The following UNC45A variants were observed in gnomAD, a reference collection of about 807,000 sequenced individuals.
The protein encoded by UNC45A is protein unc-45 homolog A.
In UNC45A, 78 loss-of-function variants were observed where a neutral mutation model predicts 103.2. The ratio of observed to expected loss-of-function variants is 0.76; its 90% CI spans 0.63 to 0.91. The LOEUF is 0.91. Among genes scored for constraint, UNC45A ranks in the 40% least tolerant of loss-of-function variants. UNC45A has a pLI of 0.00. For missense variants in UNC45A, 1,193 were observed against 1,224.8 expected, an observed-to-expected ratio of 0.97 and a Z score of 0.39; for synonymous variants, 495 against 504.6, an observed-to-expected ratio of 0.98 and a Z score of 0.25.
intron 4 of UNC45A, among the ~76,000 whole-genome samples, chr15:90,938,168 G>A (rs1473251064): frequency 6.6e-6 from 1 of 152,142 alleles, no homozygotes; most frequent in Admixed American, 6.6e-5. Flanking sequence ...TGATAACACG[G>A]TGACCCCTGG....
Position 90,950,504 on chromosome 15 carries a change from A to T in UNC45A, c.2192A>T (p.Tyr731Phe). Reference sequence around the variant, plus strand: ...CAGGTGGGGTGCACATTGCAGATCTATGAGGTGGTCCGGCCCCTCGTCTCC... The same window carrying T: ...CAGGTGGGGTGCACATTGCAGATCTTTGAGGTGGTCCGGCCCCTCGTCTCC... ...PEMTFPGERIYEVVRPLVSLL... is the reference protein window; with the variant it reads ...PEMTFPGERIFEVVRPLVSLL... The change falls in exon 17 of 20, where the codon TAT becomes TTT. Residue 731 changes from tyrosine (Y) to phenylalanine (F), a missense_variant. By Grantham distance (22) the Tyr-to-Phe change is conservative (BLOSUM62 3). Transcript: ENST00000418476. 6.2e-7 allele frequency: 1 copy of T among 1,613,918 alleles called. No individual in the cohort carries two copies. The highest frequency in any genetic ancestry group is 8.5e-7 in the Non-Finnish European group (1 of 1,179,970).
upstream of UNC45A, chr15:90,932,707 G>C: frequency 4.9e-6 from 2 of 408,528 alleles, no homozygotes; most frequent in Non-Finnish European, 8.5e-6. Flanking sequence ...CAGAGAGCAA[G>C]TGATGTGGAC....
At chr15:90,936,729 AG>A (rs2036040881) in intron 4 of UNC45A, among the ~76,000 whole-genome samples, 1 of 152,172 alleles carries the variant, frequency 6.6e-6, no homozygotes, top group African/African-American at 2.4e-5. Flanking sequence ...TGACTGCTGG[AG>A]GGGTATAAAT....
chr15:90,945,251 G>T (rs1368544319), intron 9 of UNC45A, among the ~76,000 whole-genome samples, 188 bp downstream of exon 9: 1 of 152,156 alleles, frequency 6.6e-6, no homozygotes, highest in Non-Finnish European at 1.5e-5. Flanking sequence ...CCGCAGGGAG[G>T]TTCTTTCTCA....
intron 17 of UNC45A, chr15:90,952,530 C>T: frequency 5.7e-6 from 1 of 175,308 alleles, no homozygotes; most frequent in South Asian, 1.3e-4. Flanking sequence ...ATCGCTTCTC[C>T]TGCCTCAGCC....
At chr15:90,948,566 T>A (rs1195436346) in intron 12 of UNC45A, 88 bp from the exon 13 acceptor site, 9 of 1,550,274 alleles carry the variant, frequency 5.8e-6, no homozygotes, top group Non-Finnish European at 7.9e-6. Flanking sequence ...CAGCTGAGGG[T>A]GGAATTGGGG....
chr15:90,943,104 A>G, intron 8 of UNC45A, 22 bp downstream of exon 8: 1 of 1,574,120 alleles, frequency 6.4e-7, no homozygotes, highest in African/African-American at 1.4e-5. Context: ...AGTTCACAAA[A>G]ACTTGCTTCA....
intron 6 of UNC45A, chr15:90,941,008 C>T (rs2036265843): frequency 6.6e-6 from 1 of 152,014 alleles, no homozygotes; most frequent in Non-Finnish European, 1.5e-5. Context: ...TGAAAAAGAC[C>T]AACATAAATT....
At chr15:90,947,723 C>T in intron 10 of UNC45A, 73 bp from the exon 11 acceptor site, 1 of 1,152,308 alleles carries the variant, frequency 8.7e-7, no homozygotes, top group South Asian at 1.3e-5. Flanking sequence ...GGAGGGAGTC[C>T]AAGCCAGGTG....
chr15:90,939,810 A>T lies in UNC45A; in HGVS notation c.506A>T (p.Glu169Val), dbSNP rs1208170073. ...ILLDPEEKGT[E>V]KKQKASQNLV... ...TTGGACCCAGAAGAGAAGGGCACTG[A>T]GAAAAAGCAAAAGGTATAGGCCCTG... The change falls in exon 5 of 20, where the codon GAG becomes GTG. Residue 169 changes from glutamate to valine, a missense_variant. Glu to Val is a moderately radical substitution (Grantham distance 121, BLOSUM62 -2). Coordinates refer to ENST00000418476, the MANE Select transcript of UNC45A (RefSeq NM_018671.5). The T allele has an allele frequency of 2.5e-6, 4 of 1,614,130 alleles. 1 individual carries two copies. Among genetic ancestry groups the T allele is most frequent in the East Asian group, 4.5e-5 (2 of 44,876 alleles).
chr15:90,932,539 A>G (rs1019309290), upstream of UNC45A: 37 of 1,261,230 alleles, frequency 2.9e-5, no homozygotes, highest in Non-Finnish European at 3.4e-5. Flanking sequence ...CTCAGAGCCC[A>G]TCGCGCGGAT....
chr15:90,951,919 C>G (rs898568671), intron 17 of UNC45A, among the ~76,000 whole-genome samples: 2 of 152,072 alleles, frequency 1.3e-5, no homozygotes, highest in African/African-American at 4.8e-5. Flanking sequence ...GAGATCCTGC[C>G]TCAAAAAAAC....
rs761392950 is a variant in UNC45A at position 90,940,364 on chromosome 15, G to A, written c.578G>A (p.Arg193Gln). The part of the protein sequence containing the change: ...REDAGAEKIF[R>Q]SNGVQLLQRL... ...GATGCTGGAGCGGAGAAGATCTTCC[G>A]GAGTAATGGGGTTCAGCTCTTGCAA... Residue 193 changes from arginine (R) to glutamine (Q), a missense_variant, in exon 6 of 20, where the codon CGG (arginine) becomes CAG (glutamine). Physicochemically the swap from Arg to Gln is conservative, Grantham distance 43 (BLOSUM62 1). Transcript: ENST00000418476. The A allele has an allele frequency of 1.1e-5, 18 of 1,614,024 alleles. No homozygotes were observed. The highest frequency in any genetic ancestry group is 5.3e-5 in the African/African-American group (4 of 74,914).
chr15:90,935,823 T>G lies in UNC45A; in HGVS notation c.213+118T>G, dbSNP rs1266708790. 4.5e-6 allele frequency: 7 copies of G among 1,548,728 alleles called. No individual in the cohort carries two copies. In the East Asian group the frequency reaches 9.2e-5, roughly 20 times the overall value. ...CCAGGCCATCCCCGCTTGCCAGATG[T>G]TTTTTGCACCTCAGGGTGGTGGGGG... is the stretch of plus-strand genomic sequence containing the variant. On this transcript the variant is annotated intron_variant, in intron 2 of 19. Transcript: ENST00000418476.
chr15:90,945,128 G>A, intron 9 of UNC45A, 65 bp downstream of exon 9: 4 of 1,579,854 alleles, frequency 2.5e-6, no homozygotes, highest in Non-Finnish European at 3.4e-6. Context: ...ACTCCTTGAG[G>A]AGGGGCAGAA....
In UNC45A at chr15:90,949,042, A is replaced by G. The variant is rs1270536638; in HGVS notation, c.1878+248A>G. Among the ~76,000 whole-genome samples, 29 of 151,658 alleles carry G rather than the reference A, an allele frequency of 1.9e-4. 1 individual carries two copies. The highest frequency in any genetic ancestry group is 1.9e-3 in the Admixed American group (29 of 15,242). On this transcript the variant is annotated intron_variant, in intron 13 of 19. Coordinates refer to ENST00000418476, the MANE Select transcript of UNC45A (RefSeq NM_018671.5). ...CAGGTGCCCGCCACCATGCCTGGCT[A>G]ATTTTTTGTATTTTTAGTGGAGACA...
Position 90,946,854 on chromosome 15 carries a change from G to C in UNC45A, c.1440G>C (p.Ser480=). 1 of 1,614,032 alleles carries C rather than the reference G, an allele frequency of 6.2e-7. No individual in the cohort carries two copies. The highest frequency in any genetic ancestry group is 8.5e-7 in the Non-Finnish European group (1 of 1,179,934). The part of the protein sequence containing the change: ...RASFITANGV[S]LLKDLYKCSE... ...CATTCATCACTGCCAATGGTGTCTC[G>C]CTGCTGAAGGACCTATATAAGTGCA... The change falls in exon 10 of 20, where the codon TCG becomes TCC. Residue 480 remains serine, a synonymous_variant. Coordinates refer to ENST00000418476, the MANE Select transcript of UNC45A (RefSeq NM_018671.5).
rs1351159352 is a variant in UNC45A at position 90,942,526 on chromosome 15, C to T, written c.777C>T (p.His259=). 19 of 1,614,196 alleles carry T rather than the reference C, an allele frequency of 1.2e-5. No homozygotes were observed. The highest frequency in any genetic ancestry group is 1.6e-5 in the Non-Finnish European group (19 of 1,180,034). The change falls in exon 7 of 20, where the codon CAC becomes CAT. Residue 259 remains histidine, a synonymous_variant. Coordinates refer to ENST00000418476, the MANE Select transcript of UNC45A (RefSeq NM_018671.5). ...AGGCTGTGTCCCTGGCTGCCTGCCA[C>T]CTGCTGCAGGTTATGTTTGATGCCC... is the stretch of plus-strand genomic sequence containing the variant. ...ESQAVSLAAC[H]LLQVMFDALK... is the part of the protein sequence containing the mutation.
upstream of UNC45A, chr15:90,935,094 C>G: frequency 5.1e-6 from 3 of 583,774 alleles, no homozygotes; most frequent in Non-Finnish European, 9.1e-6. Context: ...CCGCGAGCTC[C>G]CTGCAGGTCT....
Sources: allele counts gnomAD v4.1 joint callset (sites outside exome capture counted in the v4.1 genomes callset), GRCh38; gene constraint gnomAD v4.1.1; transcripts MANE v1.5; gene names NCBI Gene and HGNC (gene_info 2026-07-23, HGNC 2026-07-21).